Variants in CAMK1D observed in about 807,000 individuals in gnomAD.
CAMK1D encodes calcium/calmodulin-dependent protein kinase type 1D.
In CAMK1D, 9 loss-of-function variants were observed where a neutral mutation model predicts 47.7. The ratio of observed to expected loss-of-function variants is 0.19; its 90% CI spans 0.11 to 0.33. The LOEUF is 0.33. CAMK1D is among the 10% of genes least tolerant of loss of function. The pLI is 1.00. For synonymous variants in CAMK1D, 184 were observed against 184.9 expected (o/e 0.99, Z 0.04); for missense variants, 291 against 488.7 (o/e 0.60, Z 3.81).
At chr10:12,691,421 A>ATTTTTTTT (rs869207786) in intron 3 of CAMK1D, among the ~76,000 whole-genome samples, 5 of 4,296 alleles carry the variant, frequency 1.2e-3, no homozygotes, top group Non-Finnish European at 2.1e-3. Flanking sequence ...ATATATATAT[A>ATTTTTTTT]TTTTTTTTTT....
At chr10:12,387,874 C>G (rs1018623794) in intron 1 of CAMK1D, among the ~76,000 whole-genome samples, 1 of 152,056 alleles carries the variant, frequency 6.6e-6, no homozygotes, top group Non-Finnish European at 1.5e-5. Flanking sequence ...CTATTTTATT[C>G]ATTGTGAAAG....
At chr10:12,773,999 G>A (rs1235640321) in intron 5 of CAMK1D, among the ~76,000 whole-genome samples, 1 of 148,936 alleles carries the variant, frequency 6.7e-6, no homozygotes, top group African/African-American at 2.5e-5. Context: ...GTATGCTAAG[G>A]GCTACATCAT....
intron 1 of CAMK1D, among the ~76,000 whole-genome samples, chr10:12,371,441 T>C (rs1838003451): frequency 6.6e-6 from 1 of 151,258 alleles, no homozygotes; most frequent in Non-Finnish European, 1.5e-5. Flanking sequence ...TCGGGCTTAG[T>C]GGCGGGCGCC....
At chr10:12,668,423 C>T (rs1369434242) in intron 3 of CAMK1D, among the ~76,000 whole-genome samples, 1 of 152,096 alleles carries the variant, frequency 6.6e-6, no homozygotes, top group Non-Finnish European at 1.5e-5. Context: ...GGACTATAAC[C>T]AAATATCAGT....
chr10:12,754,563 C>T (rs754014751), intron 3 of CAMK1D, among the ~76,000 whole-genome samples: 20 of 152,244 alleles, frequency 1.3e-4, no homozygotes, highest in African/African-American at 2.9e-4. Flanking sequence ...TTATGTTGCC[C>T]GGTGTATTTG....
chr10:12,725,942 AG>A (rs1834609116), intron 3 of CAMK1D, among the ~76,000 whole-genome samples: 1 of 151,954 alleles, frequency 6.6e-6, no homozygotes, highest in Non-Finnish European at 1.5e-5. Flanking sequence ...TTTTTAGTAT[AG>A]ACGGGGCTTC....
chr10:12,729,312 A>G (rs1197171188), intron 3 of CAMK1D, among the ~76,000 whole-genome samples: 2 of 152,234 alleles, frequency 1.3e-5, no homozygotes, highest in Non-Finnish European at 2.9e-5. Context: ...ATTCTGTAGC[A>G]TGTTAGAAGA....
chr10:12,698,673 A>ATTTTTTT (rs573723767), intron 3 of CAMK1D, among the ~76,000 whole-genome samples: 40,313 of 103,496 alleles, frequency 0.39, 9,707 homozygotes, highest in Non-Finnish European at 0.47. Flanking sequence ...CCTTTAAAGA[A>ATTTTTTT]TTTTTTTTTT....
At chr10:12,827,311 C>CTTTCTTTCT (rs1564593713) in intron 10 of CAMK1D, among the ~76,000 whole-genome samples, 26 of 123,632 alleles carry the variant, frequency 2.1e-4, no homozygotes, top group East Asian at 2.4e-4. Context: ...CTCTCTTTTT[C>CTTTCTTTCT]TTTTCTTTCT....
chr10:12,427,789 C>T (rs955133194), intron 1 of CAMK1D, among the ~76,000 whole-genome samples: 1 of 133,500 alleles, frequency 7.5e-6, no homozygotes, highest in Non-Finnish European at 1.5e-5. Flanking sequence ...CTCACCGCAA[C>T]CTTTTCCTCC....
chr10:12,510,219 A>G (rs1406046893), intron 1 of CAMK1D, among the ~76,000 whole-genome samples: 1 of 152,342 alleles, frequency 6.6e-6, no homozygotes, highest in East Asian at 1.9e-4. Context: ...GTTCAAGACC[A>G]GCCTGGCCAA....
chr10:12,601,541 G>A (rs1171360163), intron 2 of CAMK1D, among the ~76,000 whole-genome samples: 1 of 152,148 alleles, frequency 6.6e-6, no homozygotes, highest in Non-Finnish European at 1.5e-5. Context: ...TCGGCTCACT[G>A]CAACCTCTGC....
At chr10:12,392,171 G>C (rs1838758712) in intron 1 of CAMK1D, among the ~76,000 whole-genome samples, 1 of 151,976 alleles carries the variant, frequency 6.6e-6, no homozygotes, top group Non-Finnish European at 1.5e-5. Context: ...GTGCAGTGGT[G>C]TGCACCTTTA....
chr10:12,736,444 T>C (rs994375193), intron 3 of CAMK1D, among the ~76,000 whole-genome samples: 3 of 152,242 alleles, frequency 2.0e-5, no homozygotes, highest in Non-Finnish European at 4.4e-5. Flanking sequence ...ACAGTAATAC[T>C]GAGAATTTAT....
At chr10:12,386,511 A>G (rs982804653) in intron 1 of CAMK1D, among the ~76,000 whole-genome samples, 4 of 152,210 alleles carry the variant, frequency 2.6e-5, no homozygotes, top group African/African-American at 7.2e-5. Context: ...TAATAATGTA[A>G]AATAAACTGT....
intron 1 of CAMK1D, among the ~76,000 whole-genome samples, chr10:12,385,661 A>C (rs1838470087): frequency 6.6e-6 from 1 of 152,182 alleles, no homozygotes; most frequent in Non-Finnish European, 1.5e-5. Flanking sequence ...CTTGGGGAGA[A>C]AAGATGAAAA....
chr10:12,526,606 C>T (rs1835629625), intron 1 of CAMK1D, among the ~76,000 whole-genome samples: 1 of 152,030 alleles, frequency 6.6e-6, no homozygotes, highest in Non-Finnish European at 1.5e-5. Context: ...CAGAGCAAAA[C>T]AAGAGAAAAG....
rs559898157 is a variant in CAMK1D at position 12,746,236 on chromosome 10, T to C, written c.300-14712T>C. Among the ~76,000 whole-genome samples the C allele has an allele frequency of 9.7e-3, 1,458 of 149,616 alleles. 23 individuals carry two copies. Among genetic ancestry groups the C allele is most frequent in the African/African-American group, 0.035 (1,371 of 39,296 alleles). ...AAAATTAGCTGGGCGTGGTGACAGGTGCCTGTAGTCCCAGCTACTCGGGAG... is the reference window on the plus strand; with the variant it reads ...AAAATTAGCTGGGCGTGGTGACAGGCGCCTGTAGTCCCAGCTACTCGGGAG... On this transcript the variant is annotated intron_variant, in intron 3 of 10. Coordinates refer to ENST00000619168, the MANE Select transcript of CAMK1D (RefSeq NM_153498.4).
In CAMK1D at chr10:12,400,865, C is replaced by T. The variant is rs7101112; in HGVS notation, c.92+50955C>T. 9.3e-3 allele frequency among the ~76,000 whole-genome samples: 1,400 copies of T among 150,388 alleles called. 24 individuals carry two copies. The highest frequency in any genetic ancestry group is 0.032 in the African/African-American group (1,313 of 40,840). ...GGCACAGTGGCTCGCACCTGTAAAC[C>T]CAGAACTTTGGGAGGCCGAGGTGGG... On this transcript the variant is annotated intron_variant, in intron 1 of 10. Transcript: ENST00000619168.
Sources: allele counts gnomAD v4.1 joint callset (sites outside exome capture counted in the v4.1 genomes callset), GRCh38; gene constraint gnomAD v4.1.1; transcripts MANE v1.5; gene names NCBI Gene and HGNC (gene_info 2026-07-23, HGNC 2026-07-21).